The following CRB2 variants were observed in gnomAD, a reference collection of about 807,000 sequenced individuals.
CRB2 encodes the protein protein crumbs homolog 2.
CRB2 carries 85 observed loss-of-function variants against 110.9 expected under a neutral mutation model. That is an observed-to-expected ratio of 0.77 (90% CI 0.64 to 0.92). The LOEUF (loss-of-function observed/expected upper bound fraction) is 0.92. Ranked by LOEUF, CRB2 falls within the 40% of genes least tolerant of loss-of-function variation. CRB2 has a pLI of 0.00. For missense variants in CRB2, 1,843 were observed against 1,851.3 expected (o/e 1.00, Z 0.08); for synonymous variants, 907 against 831.0 (o/e 1.09, Z -1.57).
In CRB2 at chr9:123,367,281, C is replaced by A. The variant is rs769873780; in HGVS notation, c.864C>A (p.Val288=). The change falls in exon 5 of 13, where the codon GTC becomes GTA. Residue 288 remains valine, a synonymous_variant. Transcript: ENST00000373631. ...QRSDPALYGG[V]QAAFPGAFSF... ...CTGACCCGGCCCTCTACGGGGGTGT[C>A]CAGGCCGCCTTCCCTGGCGCCTTCA... The A allele has an allele frequency of 2.5e-6, 4 of 1,601,858 alleles. No individual in the cohort carries two copies. Among genetic ancestry groups the A allele is most frequent in the South Asian group, 2.2e-5 (2 of 90,606 alleles).
intron 10 of CRB2, chr9:123,374,154 C>T (rs748328040): frequency 8.0e-5 from 55 of 684,292 alleles, no homozygotes; most frequent in African/African-American, 1.8e-4. Flanking sequence ...GGCTGGGAGC[C>T]GCCTGCCGCT....
chr9:123,370,710 C>T lies in CRB2; in HGVS notation c.1657C>T (p.Leu553=). 6.2e-7 allele frequency: 1 copy of T among 1,604,774 alleles called. No homozygotes were observed. Among genetic ancestry groups the T allele is most frequent in the Non-Finnish European group, 8.5e-7 (1 of 1,179,996 alleles). The change falls in exon 7 of 13, where the codon CTG becomes TTG. Residue 553 remains leucine, a synonymous_variant. Transcript: ENST00000373631. ...RLCVASGPVA[L]ASTASATPLP... is the part of the protein sequence containing the mutation. ...CTGTGTGGCCTCTGGTCCTGTGGCC[C>T]TGGCTTCCACGGCTTCGGCAACTCC...
chr9:123,379,470 G>T (rs2130803300), downstream of CRB2, among the ~76,000 whole-genome samples: 1 of 152,328 alleles, frequency 6.6e-6, no homozygotes, highest in South Asian at 2.1e-4. Flanking sequence ...GGTCTGTGAG[G>T]GGCAGAGCAT....
In CRB2 at chr9:123,373,345, C is replaced by A. The variant is rs2042045921; in HGVS notation, c.2814C>A (p.Gly938=). The A allele has an allele frequency of 7.0e-7, 1 of 1,438,248 alleles. No homozygotes were observed. The highest frequency in any genetic ancestry group is 9.1e-7 in the Non-Finnish European group (1 of 1,104,432). The allele number at this position is 1,438,248 out of a possible 1,614,324, so 89.1% of individuals were successfully genotyped here. A position where few individuals can be genotyped will look rare whatever the true frequency, so the allele number is the denominator to read the frequency against. Residue 938 remains glycine (G), a synonymous_variant, in exon 10 of 13, where the codon GGC becomes GGA. Coordinates refer to ENST00000373631, the MANE Select transcript of CRB2 (RefSeq NM_173689.7). ...SLAGGVRGGH[G]LPGAVLPIPG... Reference sequence around the variant, plus strand: ...CGGGGGGCGTGCGCGGAGGCCATGGCCTGCCCGGCGCTGTGCTGCCCATAC... The same window carrying A: ...CGGGGGGCGTGCGCGGAGGCCATGGACTGCCCGGCGCTGTGCTGCCCATAC...
intron 12 of CRB2, among the ~76,000 whole-genome samples, chr9:123,376,443 G>A (rs965133432): frequency 2.0e-5 from 3 of 152,150 alleles, no homozygotes; most frequent in East Asian, 1.9e-4. Flanking sequence ...CCCTGCCCCC[G>A]CAGGTGGGCC....
intron 1 of CRB2, among the ~76,000 whole-genome samples, chr9:123,359,640 C>G (rs942399885): frequency 1.3e-5 from 2 of 151,710 alleles, no homozygotes; most frequent in African/African-American, 4.8e-5. Flanking sequence ...ATAGAGCCAG[C>G]GTCTCACTAT....
intron 6 of CRB2, among the ~76,000 whole-genome samples, chr9:123,368,437 C>T (rs1441785163): frequency 1.3e-5 from 2 of 152,236 alleles, no homozygotes; most frequent in Non-Finnish European, 2.9e-5. Flanking sequence ...CTCCAAGAGC[C>T]ATGGCCTCCT....
chr9:123,356,222 G>C lies in CRB2; in HGVS notation c.-39G>C, dbSNP rs1276477970. On this transcript the variant is annotated 5_prime_UTR_variant, in exon 1 of 13. Transcript: ENST00000373631. ...GCGGAGCCAGCCAGGCCGCCCTCCC[G>C]TTCTCACAGCAGCCGAGCAGAGCGC... The C allele has an allele frequency of 8.7e-6, 12 of 1,374,568 alleles. No individual in the cohort carries two copies. In the African/African-American group the frequency reaches 1.3e-4, roughly 15 times the overall value. The allele number at this position is 1,374,568 out of a possible 1,614,324, so 85.1% of individuals were successfully genotyped here.
rs1380616779 is a variant in CRB2, at chr9:123,370,462, C to T, written c.1409C>T (p.Pro470Leu). The part of the protein sequence containing the change: ...GLALRFRTTL[P>L]AGTLATRNDT... ...GCACTGAGGTTTCGCACCACACTGCCCGCTGGGACCTTGGCCACTCGCAAT... is the reference window on the plus strand; with the variant it reads ...GCACTGAGGTTTCGCACCACACTGCTCGCTGGGACCTTGGCCACTCGCAAT... The change falls in exon 7 of 13, where the codon CCC becomes CTC. Residue 470 changes from proline to leucine, a missense_variant. By Grantham distance (98) the Pro-to-Leu change is moderately conservative. Transcript: ENST00000373631. 1 of 1,613,500 alleles carries T rather than the reference C, an allele frequency of 6.2e-7. No individual in the cohort carries two copies. Among genetic ancestry groups the T allele is most frequent in the Non-Finnish European group, 8.5e-7 (1 of 1,180,036 alleles).
rs1554785247 is a variant in CRB2 at position 123,373,768 on chromosome 9, C to T, written c.3237C>T (p.Ala1079=). 3 of 1,590,888 alleles carry T rather than the reference C, an allele frequency of 1.9e-6. No homozygotes were observed. The highest frequency in any genetic ancestry group is 1.4e-5 in the African/African-American group (1 of 73,642). Residue 1079 remains alanine (A), a synonymous_variant, in exon 10 of 13, where the codon GCC becomes GCT. Transcript: ENST00000373631. The part of the protein sequence containing the change: ...GACRDLFDAF[A]CACGPGWEGP... Reference sequence around the variant, plus strand: ...GCCGTGACCTCTTCGACGCCTTTGCCTGCGCCTGCGGCCCGGGGTGGGAAG... The same window carrying T: ...GCCGTGACCTCTTCGACGCCTTTGCTTGCGCCTGCGGCCCGGGGTGGGAAG...
Position 123,371,183 on chromosome 9 carries a change from T to C in CRB2, c.2041T>C (p.Ser681Pro). 1.2e-6 allele frequency: 2 copies of C among 1,613,730 alleles called. No homozygotes were observed. Among genetic ancestry groups the C allele is most frequent in the Non-Finnish European group, 1.7e-6 (2 of 1,180,026 alleles). The change falls in exon 8 of 13, where the codon TCC becomes CCC. Residue 681 changes from serine (S) to proline (P), a missense_variant. Coordinates refer to ENST00000373631, the MANE Select transcript of CRB2 (RefSeq NM_173689.7). The part of the protein sequence containing the change: ...TVSFLLRTRE[S>P]AGLLLQFAND... ...GTCTTTCCTTCTCCGCACTCGGGAG[T>C]CCGCTGGCCTGTTGCTCCAGTTTGC... is the stretch of plus-strand genomic sequence containing the variant.
At position 123,366,874 on chromosome 9, in the gene CRB2, C is replaced by A. The variant is rs111389714; in HGVS notation, c.755-298C>A. Among the ~76,000 whole-genome samples, 697 of 150,854 alleles carry A rather than the reference C, an allele frequency of 4.6e-3. 6 individuals carry two copies. The highest frequency in any genetic ancestry group is 0.016 in the African/African-American group (649 of 40,986). ...GCTGAGGCAGGAGAATCGCTTGAACCTGGGAGGTGGAGGTGAGCAGAGATC... is the reference window on the plus strand; with the variant it reads ...GCTGAGGCAGGAGAATCGCTTGAACATGGGAGGTGGAGGTGAGCAGAGATC... On this transcript the variant is annotated intron_variant, in intron 4 of 12. Transcript: ENST00000373631.
At position 123,376,885 on chromosome 9, in the gene CRB2, A is replaced by G; in HGVS notation, c.3681A>G (p.Val1227=). 6.2e-7 allele frequency: 1 copy of G among 1,609,796 alleles called. No individual in the cohort carries two copies. ...CATTCCCACTGCTGGAGGTGGCCGT[A>G]CCTGCAGCCTGTGCCTGCCTCCTCC... ...PLPFPLLEVA[V]PAACACLLLL... Residue 1227 remains valine, a synonymous_variant, in exon 13 of 13, where the codon GTA becomes GTG. Coordinates refer to ENST00000373631, the MANE Select transcript of CRB2 (RefSeq NM_173689.7).
chr9:123,360,418 G>C (rs1397013522), intron 1 of CRB2, among the ~76,000 whole-genome samples: 2 of 152,280 alleles, frequency 1.3e-5, no homozygotes, highest in Non-Finnish European at 2.9e-5. Flanking sequence ...GGCCCGGGAA[G>C]GGGGGACAGC....
rs546304271 is a variant in CRB2, at chr9:123,370,150, C to T, written c.1097C>T (p.Pro366Leu). 1.2e-6 allele frequency: 2 copies of T among 1,605,446 alleles called. No individual in the cohort carries two copies. Among genetic ancestry groups the T allele is most frequent in the Admixed American group, 3.3e-5 (2 of 59,732 alleles). ...GATGTGGATGAATGCCTGTCGGATC[C>T]CTGCCTGCACGGCGGAACCTGCAGT... ...EEDVDECLSD[P>L]CLHGGTCSDT... The change falls in exon 7 of 13, where the codon CCC becomes CTC. Residue 366 changes from proline (P) to leucine (L), a missense_variant. Transcript: ENST00000373631.
intron 11 of CRB2, among the ~76,000 whole-genome samples, chr9:123,375,011 C>T (rs1047131962): frequency 6.6e-5 from 10 of 152,120 alleles, no homozygotes; most frequent in African/African-American, 1.9e-4. Context: ...CACAGGCTCC[C>T]GTCACCCTAA....
chr9:123,373,376 C>T lies in CRB2; in HGVS notation c.2845C>T (p.Pro949Ser), dbSNP rs1446008951. The change falls in exon 10 of 13, where the codon CCG (proline) becomes TCG (serine). Residue 949 changes from proline to serine, a missense_variant. Coordinates refer to ENST00000373631, the MANE Select transcript of CRB2 (RefSeq NM_173689.7). Reference sequence around the variant, plus strand: ...CGGCGCTGTGCTGCCCATACCGGGGCCGCGCGTGGCCGATGGTGCCTGGCA... The same window carrying T: ...CGGCGCTGTGCTGCCCATACCGGGGTCGCGCGTGGCCGATGGTGCCTGGCA... ...LPGAVLPIPG[P>S]RVADGAWHRV... The T allele has an allele frequency of 1.7e-5, 24 of 1,431,586 alleles. No homozygotes were observed. The highest frequency in any genetic ancestry group is 2.1e-5 in the Non-Finnish European group (23 of 1,099,244). The allele number at this position is 1,431,586 out of a possible 1,614,324, so 88.7% of individuals were successfully genotyped here.
intron 12 of CRB2, 104 bp downstream of exon 12, chr9:123,375,447 C>T: frequency 7.4e-7 from 1 of 1,359,300 alleles, no homozygotes; most frequent in Non-Finnish European, 9.7e-7. Flanking sequence ...TCCTGGGCCA[C>T]TCTGTCATGG....
chr9:123,372,075 G>T (rs2042024782), intron 8 of CRB2, 102 bp from the exon 9 acceptor site: 1 of 1,141,958 alleles, frequency 8.8e-7, no homozygotes, highest in African/African-American at 1.5e-5. Flanking sequence ...AGGAGATACT[G>T]TGTCTGTAGT....
Sources: allele counts gnomAD v4.1 joint callset (sites outside exome capture counted in the v4.1 genomes callset), GRCh38; gene constraint gnomAD v4.1.1; transcripts MANE v1.5; gene names NCBI Gene and HGNC (gene_info 2026-07-23, HGNC 2026-07-21).